The following BRAF variants were observed in gnomAD, a reference collection of about 807,000 sequenced individuals.
BRAF encodes the protein B-Raf proto-oncogene, serine/threonine kinase, also known as serine/threonine-protein kinase B-raf.
Under a neutral mutation model 104.6 loss-of-function variants are expected in BRAF, and 16 were observed. The observed-to-expected ratio is 0.15, with a 90% confidence interval of 0.10 to 0.23. The LOEUF is 0.23. Ranked by LOEUF, BRAF falls within the 10% of genes least tolerant of loss-of-function variation. The pLI is 1.00. For missense variants in BRAF, 541 were observed against 937.3 expected (o/e 0.58, Z 5.52); for synonymous variants, 310 against 341.6 (o/e 0.91, Z 1.02).
intron 14 of BRAF, among the ~76,000 whole-genome samples, chr7:140,763,294 C>T (rs1290843460): frequency 6.7e-6 from 1 of 149,358 alleles, no homozygotes; most frequent in Admixed American, 6.7e-5. Flanking sequence ...GGCTGACCCC[C>T]CCCACCTCCC....
chr7:140,778,165 G>T, intron 12 of BRAF, 90 bp from the exon 12 acceptor site: 1 of 1,086,326 alleles, frequency 9.2e-7, no homozygotes, highest in East Asian at 2.5e-5. Context: ...AATTATCATA[G>T]CCCTAACTCC....
intron 1 of BRAF, among the ~76,000 whole-genome samples, chr7:140,891,076 T>C (rs1026628179): frequency 1.3e-5 from 2 of 152,206 alleles, no homozygotes; most frequent in African/African-American, 4.8e-5. Flanking sequence ...AGGTATACAG[T>C]TATAGGCTCC....
chr7:140,742,946 T>C (rs1797050913), intron 17 of BRAF, among the ~76,000 whole-genome samples: 1 of 151,948 alleles, frequency 6.6e-6, no homozygotes, highest in Non-Finnish European at 1.5e-5. Flanking sequence ...AGAAGACATT[T>C]ATGCAGCCAA....
At chr7:140,799,830 A>G in intron 7 of BRAF, 1 of 245,586 alleles carries the variant, frequency 4.1e-6, no homozygotes, top group Non-Finnish European at 8.0e-6. Flanking sequence ...TCACATATCA[A>G]TGCTTCTTCA....
chr7:140,745,987 C>A (rs1797314106), intron 17 of BRAF, among the ~76,000 whole-genome samples: 1 of 152,102 alleles, frequency 6.6e-6, no homozygotes, highest in South Asian at 2.1e-4. Context: ...TAGCTAGCAC[C>A]AACTTGCCAG....
chr7:140,920,202 G>C (rs1174979707), intron 1 of BRAF, among the ~76,000 whole-genome samples: 1 of 151,904 alleles, frequency 6.6e-6, no homozygotes. Flanking sequence ...TAAAACAAGG[G>C]GATTATGACA....
At chr7:140,749,580 GA>G (rs1347004561) in intron 16 of BRAF, among the ~76,000 whole-genome samples, 162 bp from the exon 16 acceptor site, 4 of 152,012 alleles carry the variant, frequency 2.6e-5, no homozygotes, top group African/African-American at 7.2e-5. Flanking sequence ...TTAAGCTGAA[GA>G]AAAAAACCTC....
chr7:140,773,398 T>C (rs1800029321), intron 14 of BRAF: 1 of 152,184 alleles, frequency 6.6e-6, no homozygotes, highest in African/African-American at 2.4e-5. Context: ...CCAAGACTCT[T>C]CGAATCTTCT....
intron 1 of BRAF, among the ~76,000 whole-genome samples, chr7:140,923,636 A>G (rs1435064282): frequency 6.6e-6 from 1 of 152,236 alleles, no homozygotes; most frequent in East Asian, 1.9e-4. Context: ...TGCAAGCGCG[A>G]AAAGAGCCAA....
At chr7:140,766,781 C>G (rs1242830219) in intron 14 of BRAF, among the ~76,000 whole-genome samples, 1 of 152,044 alleles carries the variant, frequency 6.6e-6, no homozygotes, top group East Asian at 1.9e-4. Context: ...AACTCCTGGG[C>G]TCAAGTGATC....
chr7:140,909,597 C>CA (rs1816739065), intron 1 of BRAF, among the ~76,000 whole-genome samples: 1 of 152,156 alleles, frequency 6.6e-6, no homozygotes, highest in Non-Finnish European at 1.5e-5. Flanking sequence ...GTCACCAATA[C>CA]AGCACAAGTG....
At chr7:140,801,598 C>T (rs1175802261) in intron 5 of BRAF, 38 bp from the exon 6 acceptor site, 3 of 1,597,914 alleles carry the variant, frequency 1.9e-6, no homozygotes, top group Admixed American at 3.4e-5. Flanking sequence ...CAAAAACTCA[C>T]AAGAAAACTT....
chr7:140,888,761 G>A (rs1813872706), intron 1 of BRAF, among the ~76,000 whole-genome samples: 1 of 152,018 alleles, frequency 6.6e-6, no homozygotes, highest in African/African-American at 2.4e-5. Context: ...CTTGAATCTG[G>A]GAGGTGGAGG....
At chr7:140,922,220 T>C (rs567044732) in intron 1 of BRAF, among the ~76,000 whole-genome samples, 124 of 152,320 alleles carry the variant, frequency 8.1e-4, no homozygotes, top group African/African-American at 2.8e-3. Context: ...AGAGTATCCT[T>C]ATAGTTTCAG....
At chr7:140,844,169 G>A (rs1316970108) in intron 2 of BRAF, among the ~76,000 whole-genome samples, 3 of 151,884 alleles carry the variant, frequency 2.0e-5, no homozygotes, top group Non-Finnish European at 4.4e-5. Flanking sequence ...CCAAGTGTGC[G>A]CTCACCATTG....
chr7:140,746,099 A>G (rs559215532), intron 17 of BRAF, among the ~76,000 whole-genome samples: 1 of 152,310 alleles, frequency 6.6e-6, no homozygotes, highest in Non-Finnish European at 1.5e-5. Flanking sequence ...CACAGAGAAA[A>G]GCCCAACCTA....
chr7:140,755,021 T>C (rs1798086330), intron 14 of BRAF, among the ~76,000 whole-genome samples: 1 of 152,134 alleles, frequency 6.6e-6, no homozygotes, highest in African/African-American at 2.4e-5. Context: ...ATTGTTGTTG[T>C]TGTTTTTGGG....
chr7:140,717,711 C>A (rs1244054461), downstream of BRAF, among the ~76,000 whole-genome samples: 1 of 152,090 alleles, frequency 6.6e-6, no homozygotes, highest in African/African-American at 2.4e-5. Context: ...GTCCATAGTT[C>A]TGGGCTAAAT....
chr7:140,746,270 A>C (rs1273794361), intron 17 of BRAF, among the ~76,000 whole-genome samples: 1 of 152,200 alleles, frequency 6.6e-6, no homozygotes, highest in Non-Finnish European at 1.5e-5. Context: ...TAGTCAATAT[A>C]CTTAAGTGAG....
Sources: gnomAD v4.1 joint callset for allele counts (sites outside exome capture counted in the v4.1 genomes callset) on GRCh38, gnomAD v4.1.1 for gene constraint, MANE v1.5 for transcripts, NCBI Gene and HGNC (gene_info 2026-07-23, HGNC 2026-07-21) for gene names.